STIM2: variants seen among roughly 807,000 people sequenced by gnomAD.
STIM2 encodes stromal interaction molecule 2.
STIM2 carries 31 observed loss-of-function variants against 85.8 expected under a neutral mutation model. The observed-to-expected ratio is 0.36, with a 90% CI of 0.27 to 0.49. STIM2 has a LOEUF of 0.49. STIM2 is among the 20% of genes least tolerant of loss of function. The pLI, the probability that STIM2 is intolerant of heterozygous loss-of-function variation, is 0.98. For synonymous variants in STIM2, 356 were observed against 331.1 expected (o/e 1.08, Z -0.82); for missense variants, 841 against 927.6 (o/e 0.91, Z 1.21).
chr4:26,996,393 TA>T (rs1009657361), intron 4 of STIM2, among the ~76,000 whole-genome samples: 8 of 152,070 alleles, frequency 5.3e-5, no homozygotes, highest in Admixed American at 1.3e-4. Context: ...AAAAAGACTC[TA>T]ATCAGTTATT....
intron 3 of STIM2, among the ~76,000 whole-genome samples, chr4:26,976,069 A>G (rs1727175039): frequency 6.6e-6 from 1 of 152,194 alleles, no homozygotes; most frequent in African/African-American, 2.4e-5. Flanking sequence ...CACAGGAGAG[A>G]ATCTCCTTGT....
At chr4:26,880,339 A>G (rs748356873) in intron 1 of STIM2, among the ~76,000 whole-genome samples, 3 of 152,128 alleles carry the variant, frequency 2.0e-5, no homozygotes, top group Non-Finnish European at 4.4e-5. Context: ...GTGACTTCCT[A>G]TAGGAGCAGG....
chr4:26,908,649 C>T (rs995741699), intron 1 of STIM2, among the ~76,000 whole-genome samples: 3 of 152,070 alleles, frequency 2.0e-5, no homozygotes, highest in Non-Finnish European at 4.4e-5. Flanking sequence ...ACGCCCGGCT[C>T]ATTTTTGTAT....
chr4:26,955,405 C>T lies in STIM2; in HGVS notation c.283-2207C>T, dbSNP rs992099442. On this transcript the variant is annotated intron_variant, in intron 2 of 11. Coordinates refer to ENST00000467087, the MANE Select transcript of STIM2 (RefSeq NM_020860.4). ...ATGAAACAGTTGCCATTTGTTCCAA[C>T]TGATTGGACCATTTCCAAGGCAGAT... is the stretch of plus-strand genomic sequence containing the variant. Among the ~76,000 whole-genome samples, 8 of 148,218 alleles carry T rather than the reference C, an allele frequency of 5.4e-5. 1 individual carries two copies. Among genetic ancestry groups the T allele is most frequent in the Admixed American group, 2.7e-4 (4 of 15,078 alleles).
intron 1 of STIM2, 88 bp from the exon 2 acceptor site, chr4:26,919,416 T>G: frequency 1.9e-6 from 3 of 1,551,264 alleles, no homozygotes; most frequent in Non-Finnish European, 2.6e-6. Flanking sequence ...GAAGTTTAAT[T>G]CTGTTGGTTT....
At chr4:26,911,800 C>A (rs1724351464) in intron 1 of STIM2, among the ~76,000 whole-genome samples, 1 of 152,124 alleles carries the variant, frequency 6.6e-6, no homozygotes, top group Non-Finnish European at 1.5e-5. Context: ...GGCTGAAACT[C>A]ATTTTTCTCT....
intron 3 of STIM2, among the ~76,000 whole-genome samples, chr4:26,990,442 A>G (rs180929825): frequency 6.6e-5 from 10 of 152,296 alleles, no homozygotes; most frequent in Admixed American, 3.3e-4. Context: ...ATATGCAAAA[A>G]TCAACTCAAA....
intron 1 of STIM2, among the ~76,000 whole-genome samples, chr4:26,864,165 C>T (rs1347377415): frequency 6.6e-6 from 1 of 151,892 alleles, no homozygotes; most frequent in Non-Finnish European, 1.5e-5. Context: ...TAAATATTAC[C>T]TTTTCAGAAT....
intron 2 of STIM2, among the ~76,000 whole-genome samples, chr4:26,934,376 T>C (rs1209098413): frequency 6.6e-6 from 1 of 152,228 alleles, no homozygotes; most frequent in Non-Finnish European, 1.5e-5. Flanking sequence ...TGTCATATTA[T>C]AAGTCACACA....
chr4:26,894,239 A>C (rs1272470873), intron 1 of STIM2, among the ~76,000 whole-genome samples: 1 of 151,762 alleles, frequency 6.6e-6, no homozygotes, highest in South Asian at 2.1e-4. Context: ...TCTCTTCCGA[A>C]TTTTTGCCTT....
At chr4:26,917,904 G>T (rs1331129691) in intron 1 of STIM2, among the ~76,000 whole-genome samples, 1 of 152,102 alleles carries the variant, frequency 6.6e-6, no homozygotes, top group African/African-American at 2.4e-5. Flanking sequence ...TTAAATAATT[G>T]CAAATAAATC....
chr4:26,866,391 A>T (rs1433492836), intron 1 of STIM2, among the ~76,000 whole-genome samples: 1 of 152,146 alleles, frequency 6.6e-6, no homozygotes, highest in Non-Finnish European at 1.5e-5. Context: ...ACAACATGCG[A>T]TGGATTGTGA....
At chr4:26,883,378 T>G (rs1340376547) in intron 1 of STIM2, among the ~76,000 whole-genome samples, 1 of 152,072 alleles carries the variant, frequency 6.6e-6, no homozygotes, top group Non-Finnish European at 1.5e-5. Flanking sequence ...AAGGTCATGG[T>G]AAGGATTAAA....
At chr4:26,979,935 T>C (rs1727321598) in intron 3 of STIM2, among the ~76,000 whole-genome samples, 1 of 152,186 alleles carries the variant, frequency 6.6e-6, no homozygotes, top group African/African-American at 2.4e-5. Context: ...TCTTTTTTAT[T>C]TTCTTTTTAT....
intron 3 of STIM2, among the ~76,000 whole-genome samples, chr4:26,979,213 T>C (rs1727298158): frequency 6.6e-6 from 1 of 152,168 alleles, no homozygotes; most frequent in South Asian, 2.1e-4. Flanking sequence ...TCCAAACATG[T>C]CTGTATTGTT....
At chr4:26,975,143 CT>C (rs1251682741) in intron 3 of STIM2, among the ~76,000 whole-genome samples, 2 of 152,266 alleles carry the variant, frequency 1.3e-5, no homozygotes, top group East Asian at 3.9e-4. Context: ...TTCGTCTAAT[CT>C]TTTTTTCAAG....
In STIM2 at chr4:26,861,241, T is replaced by C. The variant is rs751772322; in HGVS notation, c.23T>C (p.Val8Ala). ...GCGTTGCTGGTGCTCGGGCTGCTGG[T>C]AGCCGGAGCGGCGGACGGATGCGAG... The change falls in exon 1 of 12, where the codon GTA becomes GCA. Residue 8 changes from valine (V) to alanine (A), a missense_variant. By Grantham distance (64) the Val-to-Ala change is moderately conservative. Coordinates refer to ENST00000467087, the MANE Select transcript of STIM2 (RefSeq NM_020860.4). 25 of 1,493,482 alleles carry C rather than the reference T, an allele frequency of 1.7e-5. No individual in the cohort carries two copies. In the African/African-American group the frequency reaches 2.3e-4, roughly 14 times the overall value. The allele number at this position is 1,493,482 out of a possible 1,614,324, so 92.5% of individuals were successfully genotyped here.
At chr4:26,967,516 C>G (rs1726768601) in intron 3 of STIM2, among the ~76,000 whole-genome samples, 1 of 152,200 alleles carries the variant, frequency 6.6e-6, no homozygotes, top group South Asian at 2.1e-4. Context: ...GGCGCATAGA[C>G]TTGCCATATT....
intron 3 of STIM2, among the ~76,000 whole-genome samples, chr4:26,978,970 C>A (rs1213729044): frequency 6.6e-6 from 1 of 152,138 alleles, no homozygotes; most frequent in Admixed American, 6.6e-5. Flanking sequence ...ACTTTTGGAC[C>A]ATAAATGGAT....
Sources: allele counts gnomAD v4.1 joint callset (sites outside exome capture counted in the v4.1 genomes callset), GRCh38; gene constraint gnomAD v4.1.1; transcripts MANE v1.5; gene names NCBI Gene and HGNC (gene_info 2026-07-23, HGNC 2026-07-21).